Variants in MS4A8 observed in about 807,000 individuals in gnomAD.
MS4A8 encodes membrane-spanning 4-domains subfamily A member 8.
MS4A8 carries 27 observed loss-of-function variants against 23.7 expected under a neutral mutation model. The ratio of observed to expected loss-of-function variants is 1.14; its 90% CI spans 0.84 to 1.57. MS4A8 has a LOEUF of 1.57. Among genes scored for constraint, MS4A8 ranks in the 40% most tolerant of loss-of-function variants. The probability of loss-of-function intolerance (pLI) is 0.00; values close to 1 mark genes in which losing one functional copy is unlikely to be tolerated. For synonymous variants in MS4A8, 138 were observed against 126.3 expected (o/e 1.09, Z -0.62); for missense variants, 301 against 311.4 (o/e 0.97, Z 0.25).
At chr11:60,707,604 A>C (rs1384083172) in intron 4 of MS4A8, among the ~76,000 whole-genome samples, 1 of 152,142 alleles carries the variant, frequency 6.6e-6, no homozygotes, top group Non-Finnish European at 1.5e-5. Context: ...GTAAAGGGTG[A>C]CCAGGTCCCT....
At chr11:60,701,350 G>A (rs1176798153) in intron 2 of MS4A8, 4 of 566,094 alleles carry the variant, frequency 7.1e-6, no homozygotes, top group Non-Finnish European at 1.3e-5. Flanking sequence ...CCTGTTGCCA[G>A]GATCCACGCC....
intron 1 of MS4A8, among the ~76,000 whole-genome samples, chr11:60,700,201 T>C (rs374102404): frequency 6.6e-6 from 1 of 152,222 alleles, no homozygotes; most frequent in Non-Finnish European, 1.5e-5. Flanking sequence ...GATTTTCTAG[T>C]TCTGAACTTT....
At chr11:60,712,347 G>A (rs1299229970) in intron 5 of MS4A8, 2 of 985,208 alleles carry the variant, frequency 2.0e-6, no homozygotes, top group African/African-American at 3.5e-5. Context: ...CTCTCAGGAT[G>A]CATTTCTTAG....
intron 5 of MS4A8, chr11:60,712,272 A>T (rs1005047224): frequency 2.1e-6 from 2 of 961,638 alleles, no homozygotes; most frequent in African/African-American, 1.8e-5. Flanking sequence ...GCTGTTCTGT[A>T]GCTCTTACCC....
intron 5 of MS4A8, 139 bp from the exon 6 acceptor site, chr11:60,714,882 G>A: frequency 1.5e-6 from 1 of 649,202 alleles, no homozygotes; most frequent in Non-Finnish European, 2.8e-6. Flanking sequence ...AAACCCGGTG[G>A]GAAATTTCCC....
intron 4 of MS4A8, among the ~76,000 whole-genome samples, chr11:60,708,279 C>T (rs1234001131): frequency 6.6e-6 from 1 of 152,172 alleles, no homozygotes; most frequent in Non-Finnish European, 1.5e-5. Flanking sequence ...TCTGAGAAGT[C>T]CCACCACGAT....
intron 2 of MS4A8, among the ~76,000 whole-genome samples, chr11:60,702,216 G>T (rs2088211035): frequency 6.6e-6 from 1 of 152,130 alleles, no homozygotes; most frequent in Admixed American, 6.5e-5. Context: ...CCTTAAACAA[G>T]TTCAGAACAC....
At chr11:60,713,967 G>C (rs1339965798) in intron 5 of MS4A8, among the ~76,000 whole-genome samples, 1 of 142,234 alleles carries the variant, frequency 7.0e-6, no homozygotes, top group Non-Finnish European at 1.5e-5. Context: ...GCCCAGGCCG[G>C]ACTGCGGACT....
intron 4 of MS4A8, among the ~76,000 whole-genome samples, chr11:60,707,732 T>C (rs2088268480): frequency 6.6e-6 from 1 of 152,074 alleles, no homozygotes; most frequent in African/African-American, 2.4e-5. Flanking sequence ...CCCAAGACAC[T>C]TGGGCTAAGA....
chr11:60,705,484 A>G (rs1246925417), intron 3 of MS4A8, among the ~76,000 whole-genome samples: 1 of 152,236 alleles, frequency 6.6e-6, no homozygotes, highest in Admixed American at 6.5e-5. Flanking sequence ...TCTTGATCCC[A>G]GGACTGTCTT....
chr11:60,708,533 C>T, intron 4 of MS4A8, 117 bp from the exon 5 acceptor site: 3 of 1,062,488 alleles, frequency 2.8e-6, no homozygotes, highest in Non-Finnish European at 3.9e-6. Flanking sequence ...TTTTATGTTA[C>T]ATATATGTTA....
At chr11:60,702,352 T>C (rs2088212272) in intron 2 of MS4A8, among the ~76,000 whole-genome samples, 1 of 152,240 alleles carries the variant, frequency 6.6e-6, no homozygotes, top group Admixed American at 6.5e-5. Flanking sequence ...GTATGGGTAC[T>C]CCAAATACGG....
rs774307302 is a variant in MS4A8, at chr11:60,701,048, A to G, written c.188A>G (p.Gln63Arg). ...TCGAATGTGAATGGGCAGCCTGTGC[A>G]GAAAGCTCTGAAAGAAGGCAAAACC... ...LVSNVNGQPV[Q>R]KALKEGKTLG... Residue 63 changes from glutamine (Q) to arginine (R), a missense_variant, in exon 2 of 7, where the codon CAG (glutamine) becomes CGG (arginine). Transcript: ENST00000300226. The G allele has an allele frequency of 6.2e-7, 1 of 1,614,216 alleles. No individual in the cohort carries two copies.
At chr11:60,705,828 A>C (rs1047136871) in intron 3 of MS4A8, among the ~76,000 whole-genome samples, 2 of 152,242 alleles carry the variant, frequency 1.3e-5, no homozygotes, top group South Asian at 4.1e-4. Context: ...TCTCAAATGC[A>C]TGTGCCATAG....
chr11:60,712,806 TTAAA>T, intron 5 of MS4A8, among the ~76,000 whole-genome samples: 1 of 150,274 alleles, frequency 6.7e-6, no homozygotes, highest in African/African-American at 2.5e-5. Flanking sequence ...AAAAAAAAAA[TTAAA>T]AAATCATAAT....
Position 60,709,252 on chromosome 11 carries a change from C to G in MS4A8, c.534+471C>G, listed in dbSNP as rs569801276. On this transcript the variant is annotated intron_variant, in intron 5 of 6. Coordinates refer to ENST00000300226, the MANE Select transcript of MS4A8 (RefSeq NM_031457.2). ...TGAATATGGCTGTGTTCTGATAAAACTTTATTTACAAAACAGGCAGCAGGC... is the reference window on the plus strand; with the variant it reads ...TGAATATGGCTGTGTTCTGATAAAAGTTTATTTACAAAACAGGCAGCAGGC... The G allele has an allele frequency of 5.5e-5, 10 of 180,598 alleles. No homozygotes were observed. In the East Asian group the frequency reaches 1.3e-3, roughly 24 times the overall value. The allele number at this position is 180,598 out of a possible 1,614,324, so 11.2% of individuals were successfully genotyped here. A position where few individuals can be genotyped will look rare whatever the true frequency, so the allele number is the denominator to read the frequency against.
chr11:60,708,794 C>A lies in MS4A8; in HGVS notation c.534+13C>A. On this transcript the variant is annotated intron_variant, in intron 5 of 6. Coordinates refer to ENST00000300226, the MANE Select transcript of MS4A8 (RefSeq NM_031457.2). ...CGCCTGGGGTGTGGTGAGTATCCCT[C>A]TCAACCAAAGATCCTCTAAGTTCTG... 1 of 1,613,762 alleles carries A rather than the reference C, an allele frequency of 6.2e-7. No homozygotes were observed. Among genetic ancestry groups the A allele is most frequent in the Non-Finnish European group, 8.5e-7 (1 of 1,179,752 alleles).
intron 4 of MS4A8, among the ~76,000 whole-genome samples, chr11:60,707,834 T>TTGTG (rs1177340355): frequency 2.0e-5 from 2 of 101,940 alleles, no homozygotes; most frequent in South Asian, 3.8e-4. Flanking sequence ...TTTTTTTTTT[T>TTGTG]TGTGTGTGTG....
intron 5 of MS4A8, chr11:60,712,158 C>G (rs1346753317): frequency 3.8e-6 from 1 of 259,900 alleles, no homozygotes; most frequent in Non-Finnish European, 6.9e-6. Context: ...ACTTAGACAT[C>G]CTGCACTCCC....
Sources: allele counts gnomAD v4.1 joint callset (sites outside exome capture counted in the v4.1 genomes callset), GRCh38; gene constraint gnomAD v4.1.1; transcripts MANE v1.5; gene names NCBI Gene and HGNC (gene_info 2026-07-23, HGNC 2026-07-21).